Variants in TECPR1 observed in about 807,000 individuals in gnomAD.
TECPR1 encodes the protein tectonin beta-propeller repeat containing 1, also known as tectonin beta-propeller repeat-containing protein 1.
TECPR1 carries 122 observed loss-of-function variants against 162.4 expected under a neutral mutation model. That is an observed-to-expected ratio of 0.75 (90% confidence interval 0.65 to 0.87). The LOEUF (loss-of-function observed/expected upper bound fraction) is 0.87, where lower values mean the gene tolerates loss of function less well. Among genes scored for constraint, TECPR1 ranks in the 40% least tolerant of loss-of-function variants. TECPR1 has a pLI of 0.00. For missense variants in TECPR1, 1,432 were observed against 1,618.2 expected, an observed-to-expected ratio of 0.88 and a Z score of 1.97; for synonymous variants, 642 against 670.6, an observed-to-expected ratio of 0.96 and a Z score of 0.66.
chr7:98,229,007 A>G, intron 16 of TECPR1, 32 bp downstream of exon 16: 1 of 1,590,228 alleles, frequency 6.3e-7, no homozygotes, highest in South Asian at 1.1e-5. Context: ...AACGCCCAGG[A>G]AGGCTCCGGG....
intron 2 of TECPR1, among the ~76,000 whole-genome samples, chr7:98,246,408 A>G (rs1436057023): frequency 6.6e-6 from 1 of 150,466 alleles, no homozygotes; most frequent in Non-Finnish European, 1.5e-5. Context: ...CTGGGATTAT[A>G]GGCACCTGCC....
intron 23 of TECPR1, 83 bp from the exon 24 acceptor site, chr7:98,218,125 C>T (rs1408230004): frequency 1.6e-5 from 19 of 1,177,270 alleles, no homozygotes; most frequent in Non-Finnish European, 2.3e-5. Context: ...GGTGGCCAGG[C>T]CCCGCTCTAA....
chr7:98,222,664 C>T (rs1798172365), intron 21 of TECPR1, 143 bp from the exon 22 acceptor site: 2 of 1,051,302 alleles, frequency 1.9e-6, no homozygotes, highest in Admixed American at 2.8e-5. Flanking sequence ...CCCACCCGGC[C>T]TGATCTCGGT....
rs533638847 is a variant in TECPR1, at chr7:98,244,050, G to A, written c.532-458C>T. ...TGCACTCAACAGAGTGCAACAGAGC[G>A]AGACCCTATCTCTAAAAAGAAAAAA... On this transcript the variant is annotated intron_variant, in intron 5 of 25. Transcript: ENST00000447648. Among the ~76,000 whole-genome samples, 17 of 152,170 alleles carry A rather than the reference G, an allele frequency of 1.1e-4. No individual in the cohort carries two copies. The South Asian group carries it at 3.3e-3, about 30-fold the overall frequency.
intron 13 of TECPR1, 152 bp from the exon 14 acceptor site, chr7:98,231,525 T>C: frequency 1.6e-6 from 1 of 617,702 alleles, no homozygotes; most frequent in Non-Finnish European, 2.4e-6. Flanking sequence ...GTACTTCATT[T>C]CTTTACCCCC....
At chr7:98,238,383 C>T (rs1584347914) in intron 9 of TECPR1, 126 bp downstream of exon 9, 7 of 776,070 alleles carry the variant, frequency 9.0e-6, no homozygotes, top group Non-Finnish European at 1.5e-5. Context: ...GAAAGAACTT[C>T]TTGCTCAGTA....
intron 10 of TECPR1, among the ~76,000 whole-genome samples, chr7:98,235,849 A>AAAAAAAAAAAAAAAAAACAACAAC: frequency 5.4e-5 from 6 of 110,324 alleles, no homozygotes; most frequent in East Asian, 2.3e-4. Context: ...AAAAAAAAAA[A>AAAAAAAAAAAAAAAAAACAACAAC]AACACCATCT....
chr7:98,244,358 T>C (rs1157934053), intron 5 of TECPR1, among the ~76,000 whole-genome samples: 1 of 152,216 alleles, frequency 6.6e-6, no homozygotes, highest in Non-Finnish European at 1.5e-5. Context: ...TGTGCTGTCC[T>C]GGGCCTGGCC....
chr7:98,235,849 A>AAAAAAAAAAAAAAAACAC, intron 10 of TECPR1, among the ~76,000 whole-genome samples: 1 of 110,258 alleles, frequency 9.1e-6, no homozygotes, highest in African/African-American at 3.1e-5. Flanking sequence ...AAAAAAAAAA[A>AAAAAAAAAAAAAAAACAC]AACACCATCT....
Position 98,222,520 on chromosome 7 carries a change from C to G in TECPR1, c.2930G>C (p.Gly977Ala). 1 of 1,576,706 alleles carries G rather than the reference C, an allele frequency of 6.3e-7. No individual in the cohort carries two copies. The highest frequency in any genetic ancestry group is 8.6e-7 in the Non-Finnish European group (1 of 1,162,656). ...GGTGCCAACGTGCAGCCAGGAGGAG[C>G]CCTGGGGATAGCAAGGAGGGGCGCT... is the stretch of plus-strand genomic sequence containing the variant. ...RLGVSELNPA[G>A]SSWLHVGTDQ... Residue 977 changes from glycine to alanine, a missense_variant and splice_region_variant, in exon 22 of 26, where the codon GGC becomes GCC. Coordinates refer to ENST00000447648, the MANE Select transcript of TECPR1 (RefSeq NM_015395.3).
At chr7:98,231,621 C>A in intron 13 of TECPR1, 183 bp downstream of exon 13, 1 of 667,228 alleles carries the variant, frequency 1.5e-6, no homozygotes, top group Non-Finnish European at 2.3e-6. Flanking sequence ...CATTTCTGTA[C>A]CCCCTTCCCC....
Position 98,227,997 on chromosome 7 carries a change from G to A in TECPR1, c.2513+17C>T. ...CTATGCCAGGCAGCATCCTGGCCGG[G>A]CACCTGTGCCACTTACCTGCTGGTG... On this transcript the variant is annotated intron_variant, in intron 17 of 25. Coordinates refer to ENST00000447648, the MANE Select transcript of TECPR1 (RefSeq NM_015395.3). The A allele has an allele frequency of 6.2e-7, 1 of 1,604,120 alleles. No individual in the cohort carries two copies.
chr7:98,226,683 A>C, intron 17 of TECPR1: 5 of 1,194,332 alleles, frequency 4.2e-6, no homozygotes, highest in Non-Finnish European at 5.4e-6. Context: ...GATGCCTGTA[A>C]TCTCAACACT....
At position 98,227,898 on chromosome 7, in the gene TECPR1, C is replaced by T. The variant is rs7804811; in HGVS notation, c.2513+116G>A. 4,162 of 710,816 alleles carry T rather than the reference C, an allele frequency of 5.9e-3. 87 individuals are homozygous for T. Among genetic ancestry groups the T allele is most frequent in the African/African-American group, 0.049 (2,808 of 56,868 alleles). The allele number at this position is 710,816 out of a possible 1,614,324, so 44.0% of individuals were successfully genotyped here. A position where few individuals can be genotyped will look rare whatever the true frequency, so the allele number is the denominator to read the frequency against. The stretch of plus-strand genomic sequence containing the variant: ...TAAGATCCGGTTAGTTTCCTGCTGG[C>T]GGCCTGACACCAGGCTCTACTGGAC... On this transcript the variant is annotated intron_variant, in intron 17 of 25. Coordinates refer to ENST00000447648, the MANE Select transcript of TECPR1 (RefSeq NM_015395.3).
rs200703598 is a variant in TECPR1 at position 98,245,910 on chromosome 7, G to C, written c.225+12C>G. ...TGACCCGCTCGGCAACTCCAACCAT[G>C]AGGGTCACTACCTGATTCTCATAGG... On this transcript the variant is annotated intron_variant, in intron 3 of 25. Transcript: ENST00000447648. 6.3e-7 allele frequency: 1 copy of C among 1,585,158 alleles called. No homozygotes were observed. The highest frequency in any genetic ancestry group is 8.6e-7 in the Non-Finnish European group (1 of 1,166,146).
At chr7:98,243,836 T>C (rs932559218) in intron 5 of TECPR1, among the ~76,000 whole-genome samples, 1 of 152,190 alleles carries the variant, frequency 6.6e-6, no homozygotes, top group African/African-American at 2.4e-5. Context: ...CCTCAAGTGA[T>C]CCACCTGCCT....
intron 2 of TECPR1, among the ~76,000 whole-genome samples, chr7:98,247,978 G>A (rs1798955881): frequency 6.6e-6 from 1 of 152,146 alleles, no homozygotes; most frequent in African/African-American, 2.4e-5. Context: ...CTCCCACCTT[G>A]GCCTCCCGAA....
At chr7:98,233,387 T>C in intron 11 of TECPR1, 34 bp downstream of exon 11, 1 of 1,417,016 alleles carries the variant, frequency 7.1e-7, no homozygotes, top group Non-Finnish European at 9.2e-7. Flanking sequence ...CACCTGGCCA[T>C]GTGGATGCCC....
At position 98,231,886 on chromosome 7, in the gene TECPR1, A is replaced by G; in HGVS notation, c.1892T>C (p.Leu631Ser). The part of the protein sequence containing the change: ...WKPHKWVDVR[L>S]ALEQFTGHDG... ...GTGCCCCGTGAACTGCTCCAGGGCC[A>G]AGCGCACGTCCACCCACTTGTGGGG... Residue 631 changes from leucine (L) to serine (S), a missense_variant, in exon 13 of 26, where the codon TTG (leucine) becomes TCG (serine). By Grantham distance (145) the Leu-to-Ser change is moderately radical (BLOSUM62 -2). Transcript: ENST00000447648. 3.7e-6 allele frequency: 6 copies of G among 1,612,186 alleles called. No homozygotes were observed. The South Asian group carries it at 6.6e-5, about 18-fold the overall frequency.
Sources: gnomAD v4.1 joint callset for allele counts (sites outside exome capture counted in the v4.1 genomes callset) on GRCh38, gnomAD v4.1.1 for gene constraint, MANE v1.5 for transcripts, NCBI Gene and HGNC (gene_info 2026-07-23, HGNC 2026-07-21) for gene names.